The following MCPH1 variants were observed in gnomAD, a reference collection of about 807,000 sequenced individuals.
MCPH1 encodes microcephalin.
Under a neutral mutation model 84.5 loss-of-function variants are expected in MCPH1, and 104 were observed. The ratio of observed to expected loss-of-function variants is 1.23; its 90% CI spans 1.05 to 1.45. The LOEUF is 1.45. MCPH1 is among the 40% of genes most tolerant of loss of function. The probability of loss-of-function intolerance (pLI) is 0.00; values close to 1 mark genes in which losing one functional copy is unlikely to be tolerated. For missense variants in MCPH1, 1,498 were observed against 1,005.7 expected, an observed-to-expected ratio of 1.49 and a Z score of -6.62; for synonymous variants, 514 against 366.8, an observed-to-expected ratio of 1.40 and a Z score of -4.58.
chr8:6,445,278 G>T lies in MCPH1; in HGVS notation c.1556G>T (p.Cys519Phe). The T allele has an allele frequency of 6.2e-7, 1 of 1,614,208 alleles. No homozygotes were observed. The change falls in exon 8 of 14, where the codon TGC becomes TTC. Residue 519 changes from cysteine (C) to phenylalanine (F), a missense_variant. Transcript: ENST00000344683. The part of the protein sequence containing the change: ...CCRQAGKEDA[C>F]PEGNGFSYTI... The stretch of plus-strand genomic sequence containing the variant: ...AGACAGGCTGGGAAAGAAGACGCAT[G>T]CCCAGAGGGAAATGGCTTTTCTTAC...
At chr8:6,460,661 A>C (rs1240841677) in intron 9 of MCPH1, among the ~76,000 whole-genome samples, 4 of 151,850 alleles carry the variant, frequency 2.6e-5, no homozygotes, top group African/African-American at 9.7e-5. Context: ...TGTTGTTTTC[A>C]ATCATACGTT....
At chr8:6,604,047 C>G (rs926699267) in intron 12 of MCPH1, among the ~76,000 whole-genome samples, 1 of 151,204 alleles carries the variant, frequency 6.6e-6, no homozygotes, top group South Asian at 2.1e-4. Context: ...TCCTTTGATC[C>G]GCACACACAC....
At chr8:6,454,194 C>G (rs1010559404) in intron 8 of MCPH1, among the ~76,000 whole-genome samples, 1 of 152,146 alleles carries the variant, frequency 6.6e-6, no homozygotes, top group Admixed American at 6.5e-5. Context: ...TCATCTGCAT[C>G]TACATTGTCT....
intron 12 of MCPH1, among the ~76,000 whole-genome samples, chr8:6,536,998 A>G (rs1372017347): frequency 6.7e-6 from 1 of 148,228 alleles, no homozygotes; most frequent in Non-Finnish European, 1.5e-5. Flanking sequence ...AAACCAACCC[A>G]GTAAATAAGC....
At chr8:6,616,254 G>GGTGA (rs1830782007) in intron 12 of MCPH1, 1 of 152,134 alleles carries the variant, frequency 6.6e-6, no homozygotes, top group Non-Finnish European at 1.5e-5. Flanking sequence ...GACTTTAAAG[G>GGTGA]GTGAGCTCTG....
chr8:6,502,733 A>T (rs1812436139), intron 12 of MCPH1: 1 of 231,864 alleles, frequency 4.3e-6, no homozygotes, highest in Admixed American at 5.2e-5. Flanking sequence ...TTCCAAGATG[A>T]TCTGTATTGT....
chr8:6,470,918 A>T, intron 9 of MCPH1, among the ~76,000 whole-genome samples: 1 of 152,270 alleles, frequency 6.6e-6, no homozygotes, highest in East Asian at 1.9e-4. Context: ...TCTACCATCC[A>T]GTTAGCAATT....
At chr8:6,432,931 G>C (rs766692218) in intron 4 of MCPH1, among the ~76,000 whole-genome samples, 3 of 152,132 alleles carry the variant, frequency 2.0e-5, no homozygotes, top group Non-Finnish European at 4.4e-5. Flanking sequence ...CTCTTTGATT[G>C]CCCTCCCTCA....
intron 9 of MCPH1, among the ~76,000 whole-genome samples, chr8:6,462,948 C>G (rs1056860232): frequency 6.6e-6 from 1 of 152,170 alleles, no homozygotes; most frequent in African/African-American, 2.4e-5. Flanking sequence ...CCTGCCTCCT[C>G]TTTGCCCACT....
At chr8:6,477,530 C>T in intron 9 of MCPH1, 64 bp from the exon 10 acceptor site, 4 of 1,447,614 alleles carry the variant, frequency 2.8e-6, no homozygotes, top group Non-Finnish European at 3.9e-6. Context: ...CAGTTTATTT[C>T]TGTGGGAAAA....
chr8:6,580,700 G>A (rs1374660690), intron 12 of MCPH1, among the ~76,000 whole-genome samples: 1 of 152,072 alleles, frequency 6.6e-6, no homozygotes, highest in Non-Finnish European at 1.5e-5. Flanking sequence ...CAGAGTTGGA[G>A]AAGGACTCGG....
chr8:6,641,834 A>G (rs1266836851), intron 13 of MCPH1, among the ~76,000 whole-genome samples: 1 of 152,236 alleles, frequency 6.6e-6, no homozygotes, highest in African/African-American at 2.4e-5. Flanking sequence ...TAATATTGTT[A>G]TAATTATATA....
chr8:6,587,224 G>C (rs1828063778), intron 12 of MCPH1, among the ~76,000 whole-genome samples: 1 of 152,096 alleles, frequency 6.6e-6, no homozygotes, highest in African/African-American at 2.4e-5. Flanking sequence ...ATGACTCACT[G>C]AAGTCTGGCA....
rs1424836432 is a variant in MCPH1, at chr8:6,644,568, C to G, written c.*1519C>G. ...GTAACATTCAAGCTGAGCACCAAAT[C>G]AAGAACGCAATCCCATTTCCAATAG... On this transcript the variant is annotated 3_prime_UTR_variant, in exon 14 of 14. Coordinates refer to ENST00000344683, the MANE Select transcript of MCPH1 (RefSeq NM_024596.5). 6.6e-6 allele frequency: 1 copy of G among 152,144 alleles called. No homozygotes were observed. Among genetic ancestry groups the G allele is most frequent in the Non-Finnish European group, 1.5e-5 (1 of 68,040 alleles). The allele number at this position is 152,144 out of a possible 1,614,324, so 9.4% of individuals were successfully genotyped here. A position where few individuals can be genotyped will look rare whatever the true frequency, so the allele number is the denominator to read the frequency against.
chr8:6,597,634 G>C lies in MCPH1; in HGVS notation c.2215-23820G>C, dbSNP rs1010143362. On this transcript the variant is annotated intron_variant, in intron 12 of 13. Coordinates refer to ENST00000344683, the MANE Select transcript of MCPH1 (RefSeq NM_024596.5). ...GGACACGACAACCCGGAACACGGAG[G>C]GAGGGCTCAGCGCTAGGAAGGGAGA... Among the ~76,000 whole-genome samples, 4 of 152,130 alleles carry C rather than the reference G, an allele frequency of 2.6e-5. No homozygotes were observed. In the South Asian group the frequency reaches 8.3e-4, roughly 32 times the overall value.
chr8:6,446,395 G>A (rs1309558164), intron 8 of MCPH1: 3 of 985,016 alleles, frequency 3.0e-6, no homozygotes, highest in Non-Finnish European at 3.6e-6. Context: ...CTCTTTGAAG[G>A]TGGAGAAGTC....
chr8:6,642,681 C>A (rs1052863444), intron 13 of MCPH1: 3 of 446,362 alleles, frequency 6.7e-6, no homozygotes, highest in African/African-American at 2.0e-5. Flanking sequence ...ATGTCACAGA[C>A]TGGCAAGCTT....
intron 12 of MCPH1, among the ~76,000 whole-genome samples, chr8:6,572,664 C>T (rs987862746): frequency 1.3e-5 from 2 of 152,214 alleles, no homozygotes; most frequent in East Asian, 3.8e-4. Flanking sequence ...TCTGTATCCT[C>T]AGGTGATAAG....
chr8:6,609,434 G>T (rs1224023375), intron 12 of MCPH1, among the ~76,000 whole-genome samples: 1 of 152,182 alleles, frequency 6.6e-6, no homozygotes, highest in Non-Finnish European at 1.5e-5. Flanking sequence ...AGACGATTAT[G>T]TTCCCATCAC....
Sources: gnomAD v4.1 joint callset for allele counts (sites outside exome capture counted in the v4.1 genomes callset) on GRCh38, gnomAD v4.1.1 for gene constraint, MANE v1.5 for transcripts, NCBI Gene and HGNC (gene_info 2026-07-23, HGNC 2026-07-21) for gene names.